The following ORC3 variants were observed in gnomAD, a reference collection of about 807,000 sequenced individuals.
The protein encoded by ORC3 is origin recognition complex subunit 3.
ORC3 carries 78 observed loss-of-function variants against 100.7 expected under a neutral mutation model. The ratio of observed to expected loss-of-function variants is 0.77; its 90% CI spans 0.65 to 0.94. The LOEUF (loss-of-function observed/expected upper bound fraction) is 0.94. Among genes scored for constraint, ORC3 ranks in the 40% least tolerant of loss-of-function variants. The pLI is 0.00. For synonymous variants in ORC3, 295 were observed against 289.3 expected (o/e 1.02, Z -0.20); for missense variants, 789 against 823.9 (o/e 0.96, Z 0.52).
chr6:87,593,409 A>G (rs1472442917), intron 1 of ORC3, among the ~76,000 whole-genome samples: 2 of 152,244 alleles, frequency 1.3e-5, no homozygotes, highest in Admixed American at 1.3e-4. Flanking sequence ...ACTACGATAT[A>G]CAATTAAAGT....
rs1437203561 is a variant in ORC3 at position 87,634,930 on chromosome 6, C to G, written c.1271C>G (p.Ser424Cys). ...TTGAGATGTCTTCATAAGTTCACCT[C>G]TTCTCTTCCCAAGTATCCACTAGGT... is the stretch of plus-strand genomic sequence containing the variant. Reference protein sequence around the residue: ...LVLRCLHKFTSSLPKYPLGRQ... With the variant: ...LVLRCLHKFTCSLPKYPLGRQ... The change falls in exon 12 of 20, where the codon TCT becomes TGT. Residue 424 changes from serine (S) to cysteine (C), a missense_variant. Coordinates refer to ENST00000392844, the MANE Select transcript of ORC3 (RefSeq NM_012381.4). 2 of 1,592,996 alleles carry G rather than the reference C, an allele frequency of 1.3e-6. No individual in the cohort carries two copies. The highest frequency in any genetic ancestry group is 2.2e-5 in the East Asian group (1 of 44,776).
intron 13 of ORC3, among the ~76,000 whole-genome samples, 184 bp downstream of exon 13, chr6:87,636,670 G>T (rs956274931): frequency 6.6e-6 from 1 of 152,138 alleles, no homozygotes; most frequent in East Asian, 1.9e-4. Flanking sequence ...GCAACTATCC[G>T]TTTCTTTGCT....
chr6:87,668,224 G>A (rs115454175), downstream of ORC3, among the ~76,000 whole-genome samples: 4,395 of 152,262 alleles, frequency 0.029, 205 homozygotes, highest in African/African-American at 0.1. Context: ...GATATGGGGG[G>A]AAAGTCCATG....
At chr6:87,627,502 G>C (rs1226224257) in intron 11 of ORC3, among the ~76,000 whole-genome samples, 1 of 150,990 alleles carries the variant, frequency 6.6e-6, no homozygotes, top group Admixed American at 6.6e-5. Flanking sequence ...CACCATGTTG[G>C]CCAGGCTGGT....
At chr6:87,600,875 T>C (rs1447757680) in intron 2 of ORC3, among the ~76,000 whole-genome samples, 1 of 152,244 alleles carries the variant, frequency 6.6e-6, no homozygotes, top group Non-Finnish European at 1.5e-5. Flanking sequence ...CTTTAGTTTT[T>C]GTTCATGTGT....
At chr6:87,666,345 T>G (rs1272823305) in intron 19 of ORC3, among the ~76,000 whole-genome samples, 1 of 151,866 alleles carries the variant, frequency 6.6e-6, no homozygotes. Context: ...TTGGCCAGGC[T>G]GGTCTCGAAC....
At chr6:87,602,947 C>CATATATAATATATAT (rs1489146870) in intron 3 of ORC3, among the ~76,000 whole-genome samples, 1 of 111,662 alleles carries the variant, frequency 9.0e-6, no homozygotes, top group Non-Finnish European at 1.8e-5. Context: ...TATATATACA[C>CATATATAATATATAT]ATATATAATA....
rs538271015 is a variant in ORC3 at position 87,604,431 on chromosome 6, T to A, written c.322+903T>A. 2.0e-5 allele frequency among the ~76,000 whole-genome samples: 3 copies of A among 152,318 alleles called. No homozygotes were observed. In the East Asian group the frequency reaches 5.8e-4, roughly 29 times the overall value. ...ACACTAATAAGACTCAAGGGAATGA[T>A]TTTTATTATGCTGTGGACCAGCTTT... On this transcript the variant is annotated intron_variant, in intron 4 of 19. Transcript: ENST00000392844.
At chr6:87,672,932 AGAT>A in the ORC3 span, among the ~76,000 whole-genome samples, 1 of 152,218 alleles carries the variant, frequency 6.6e-6, no homozygotes, top group South Asian at 2.1e-4. Flanking sequence ...TGGAAGAATA[AGAT>A]GACTATTAAC....
intron 16 of ORC3, among the ~76,000 whole-genome samples, chr6:87,660,639 A>G (rs184594913): frequency 6.6e-6 from 1 of 152,362 alleles, no homozygotes; most frequent in African/African-American, 2.4e-5. Flanking sequence ...GAGAGATGAG[A>G]ATAAATTGCC....
chr6:87,676,447 CAAAAAAA>C, the ORC3 span, among the ~76,000 whole-genome samples: 8 of 41,908 alleles, frequency 1.9e-4, no homozygotes, highest in South Asian at 2.3e-3. Context: ...GCCTGGGCAA[CAAAAAAA>C]AAAAAAAAAA....
chr6:87,676,828 G>A, the ORC3 span, among the ~76,000 whole-genome samples: 12 of 151,520 alleles, frequency 7.9e-5, 1 homozygote, highest in African/African-American at 2.9e-4. Flanking sequence ...TGTAATCCCA[G>A]CACTTTGAGA....
At chr6:87,654,324 G>A (rs961995210) in intron 14 of ORC3, among the ~76,000 whole-genome samples, 2 of 152,208 alleles carry the variant, frequency 1.3e-5, no homozygotes, top group African/African-American at 4.8e-5. Flanking sequence ...AGAGTGGCCT[G>A]AGCAGCCAGA....
intron 13 of ORC3, chr6:87,651,200 G>C (rs570603443): frequency 2.2e-6 from 1 of 456,212 alleles, no homozygotes; most frequent in African/African-American, 2.0e-5. Flanking sequence ...TTGATATTCA[G>C]TTATTTGGAG....
chr6:87,597,680 T>TACACAC (rs55758892), intron 2 of ORC3, among the ~76,000 whole-genome samples: 176 of 138,522 alleles, frequency 1.3e-3, no homozygotes, highest in African/African-American at 4.7e-3. Flanking sequence ...TATATATATA[T>TACACAC]ACACACACAC....
rs749446593 is a variant in ORC3, at chr6:87,609,155, T to G, written c.639T>G (p.Pro213=). ...KRTTSSQWQS[P]PVVVILKDME... Reference sequence around the variant, plus strand: ...CTACTTCTAGCCAATGGCAGTCTCCTCCTGTTGTCGTTATCTTGAAGGATA... The same window carrying G: ...CTACTTCTAGCCAATGGCAGTCTCCGCCTGTTGTCGTTATCTTGAAGGATA... Residue 213 remains proline, a synonymous_variant, in exon 7 of 20, where the codon CCT becomes CCG. Coordinates refer to ENST00000392844, the MANE Select transcript of ORC3 (RefSeq NM_012381.4). The G allele has an allele frequency of 6.2e-7, 1 of 1,610,344 alleles. No homozygotes were observed. Among genetic ancestry groups the G allele is most frequent in the Admixed American group, 1.7e-5 (1 of 58,814 alleles).
chr6:87,590,385 C>T (rs891117052), intron 1 of ORC3, among the ~76,000 whole-genome samples, 193 bp downstream of exon 1: 1 of 152,148 alleles, frequency 6.6e-6, no homozygotes, highest in Non-Finnish European at 1.5e-5. Context: ...CGCGGATCTG[C>T]CTTGTGGTAT....
Position 87,612,236 on chromosome 6 carries a change from G to A in ORC3, c.861G>A (p.Thr287=), listed in dbSNP as rs770574733. The A allele has an allele frequency of 1.5e-5, 24 of 1,600,824 alleles. No individual in the cohort carries two copies. The highest frequency in any genetic ancestry group is 3.3e-4 in the Middle Eastern group (2 of 6,036). The stretch of plus-strand genomic sequence containing the variant: ...TGTCTTGTAAGGAGCACCTGACTAC[G>A]GTACTCGATAAGGTAAAAAGAATAA... ...QSLSCKEHLT[T]VLDKLLLTTQ... is the part of the protein sequence containing the mutation. The change falls in exon 8 of 20, where the codon ACG becomes ACA. Residue 287 remains threonine, a synonymous_variant. Transcript: ENST00000392844.
intron 8 of ORC3, among the ~76,000 whole-genome samples, chr6:87,615,032 T>C (rs1262817077): frequency 1.3e-5 from 2 of 152,188 alleles, no homozygotes; most frequent in African/African-American, 4.8e-5. Context: ...GATAAAGACA[T>C]AGGCGAGACT....
Sources: allele counts gnomAD v4.1 joint callset (sites outside exome capture counted in the v4.1 genomes callset), GRCh38; gene constraint gnomAD v4.1.1; transcripts MANE v1.5; gene names NCBI Gene and HGNC (gene_info 2026-07-23, HGNC 2026-07-21).